GRID1: variants seen among roughly 807,000 people sequenced by gnomAD.
The protein encoded by GRID1 is glutamate receptor ionotropic, delta-1.
Under a neutral mutation model 98.0 loss-of-function variants are expected in GRID1, and 28 were observed. The observed-to-expected ratio is 0.29, with a 90% CI of 0.21 to 0.39. GRID1 has a LOEUF of 0.39. Among genes scored for constraint, GRID1 ranks in the 10% least tolerant of loss-of-function variants. The pLI is 1.00. For missense variants in GRID1, 1,111 were observed against 1,340.5 expected (o/e 0.83, Z 2.67); for synonymous variants, 553 against 538.5 (o/e 1.03, Z -0.37).
At chr10:85,755,942 ACTGGT>A (rs894828232) in intron 8 of GRID1, among the ~76,000 whole-genome samples, 1 of 152,088 alleles carries the variant, frequency 6.6e-6, no homozygotes, top group Non-Finnish European at 1.5e-5. Context: ...GCTGGACGCC[ACTGGT>A]AACAGCTCAG....
intron 2 of GRID1, among the ~76,000 whole-genome samples, chr10:86,303,322 T>C (rs776632500): frequency 6.6e-6 from 1 of 152,242 alleles, no homozygotes; most frequent in Non-Finnish European, 1.5e-5. Context: ...CTTCTCTGTA[T>C]GTACAAAAAT....
At chr10:85,708,524 T>C (rs1400095838) in intron 12 of GRID1, among the ~76,000 whole-genome samples, 1 of 152,130 alleles carries the variant, frequency 6.6e-6, no homozygotes, top group Non-Finnish European at 1.5e-5. Context: ...GGTAAACTCA[T>C]AAGAATAGTA....
intron 2 of GRID1, among the ~76,000 whole-genome samples, chr10:86,267,332 C>T (rs1010891604): frequency 6.6e-6 from 1 of 152,246 alleles, no homozygotes; most frequent in African/African-American, 2.4e-5. Flanking sequence ...CTCTGATCCA[C>T]ATACGGTCCC....
chr10:85,895,010 A>AT (rs1431281533), intron 5 of GRID1, among the ~76,000 whole-genome samples: 21 of 119,692 alleles, frequency 1.8e-4, no homozygotes, highest in South Asian at 7.8e-4. Flanking sequence ...TCAAAAAAAA[A>AT]AAAAAAATAT....
chr10:85,773,467 T>C (rs1229783513), intron 8 of GRID1, among the ~76,000 whole-genome samples: 1 of 152,164 alleles, frequency 6.6e-6, no homozygotes. Context: ...TTGGAAGTTC[T>C]GGCCAGGGCA....
At chr10:86,060,224 A>C (rs1010962059) in intron 4 of GRID1, among the ~76,000 whole-genome samples, 2 of 152,254 alleles carry the variant, frequency 1.3e-5, no homozygotes, top group African/African-American at 4.8e-5. Context: ...AATAGACATA[A>C]AGTCTTTCAT....
chr10:86,082,736 C>CGCCT (rs1843994698), intron 4 of GRID1, among the ~76,000 whole-genome samples: 1 of 152,204 alleles, frequency 6.6e-6, no homozygotes, highest in East Asian at 1.9e-4. Flanking sequence ...CCCCACCCTA[C>CGCCT]GCCTCCCTCT....
intron 8 of GRID1, among the ~76,000 whole-genome samples, chr10:85,739,113 T>C (rs903277688): frequency 1.3e-5 from 2 of 152,010 alleles, no homozygotes; most frequent in Non-Finnish European, 2.9e-5. Flanking sequence ...TGTATTTAAA[T>C]ATAGTTAAGG....
intron 8 of GRID1, among the ~76,000 whole-genome samples, chr10:85,746,872 G>A (rs60009084): frequency 6.6e-6 from 1 of 151,918 alleles, no homozygotes; most frequent in African/African-American, 2.4e-5. Flanking sequence ...TAAATGTTGG[G>A]GTCATTTGTT....
chr10:85,977,733 T>G (rs1212245644), intron 4 of GRID1, among the ~76,000 whole-genome samples: 2 of 152,124 alleles, frequency 1.3e-5, no homozygotes, highest in African/African-American at 2.4e-5. Context: ...AAGTCCCTAT[T>G]TCACATCCAG....
At chr10:85,687,405 T>C (rs1354024571) in intron 12 of GRID1, among the ~76,000 whole-genome samples, 1 of 152,190 alleles carries the variant, frequency 6.6e-6, no homozygotes, top group Admixed American at 6.5e-5. Context: ...GAGGGAAACA[T>C]GTTAGTAATT....
At chr10:86,037,108 G>A (rs928737580) in intron 4 of GRID1, among the ~76,000 whole-genome samples, 3 of 152,180 alleles carry the variant, frequency 2.0e-5, no homozygotes, top group Non-Finnish European at 2.9e-5. Flanking sequence ...TTTCTGGAAC[G>A]GAAAATGGGG....
At chr10:85,969,410 T>A (rs879758598) in intron 4 of GRID1, among the ~76,000 whole-genome samples, 23 of 152,104 alleles carry the variant, frequency 1.5e-4, no homozygotes, top group Non-Finnish European at 2.6e-4. Context: ...CATGGAACAT[T>A]TCCCCAGGAT....
chr10:86,134,760 G>A (rs929171469), intron 4 of GRID1, among the ~76,000 whole-genome samples: 1 of 152,162 alleles, frequency 6.6e-6, no homozygotes, highest in Non-Finnish European at 1.5e-5. Context: ...CATTCCTACA[G>A]ACCCAGACCC....
chr10:86,331,116 G>C (rs117034599), intron 2 of GRID1, among the ~76,000 whole-genome samples: 1 of 152,254 alleles, frequency 6.6e-6, no homozygotes, highest in South Asian at 2.1e-4. Flanking sequence ...GAAGCCCATC[G>C]CTGATCATCG....
Position 85,880,317 on chromosome 10 carries a change from C to A in GRID1, c.781-11137G>T, listed in dbSNP as rs1386100642. On this transcript the variant is annotated intron_variant, in intron 5 of 15. Coordinates refer to ENST00000327946, the MANE Select transcript of GRID1 (RefSeq NM_017551.3). Reference sequence around the variant, plus strand: ...TACCAAAGCTGGGCAGAGACACAACCAAAAAAGAGAATTTTAGACCAATAT... The same window carrying A: ...TACCAAAGCTGGGCAGAGACACAACAAAAAAAGAGAATTTTAGACCAATAT... Among the ~76,000 whole-genome samples, 10 of 151,966 alleles carry A rather than the reference C, an allele frequency of 6.6e-5. No homozygotes were observed. The South Asian group carries it at 1.9e-3, about 29-fold the overall frequency.
intron 2 of GRID1, among the ~76,000 whole-genome samples, chr10:86,336,905 C>A (rs1232399644): frequency 3.4e-5 from 5 of 146,366 alleles, no homozygotes; most frequent in African/African-American, 1.0e-4. Context: ...AGTGCAGTGG[C>A]GCGATCTCGG....
At chr10:85,645,907 CA>C (rs1246398208) in intron 13 of GRID1, 1 of 152,288 alleles carries the variant, frequency 6.6e-6, no homozygotes, top group Non-Finnish European at 1.5e-5. Flanking sequence ...CATGTGTTTC[CA>C]AAGCAAAGGG....
chr10:85,685,260 A>C (rs1318398477), intron 12 of GRID1, among the ~76,000 whole-genome samples: 1 of 152,226 alleles, frequency 6.6e-6, no homozygotes, highest in East Asian at 1.9e-4. Flanking sequence ...ACACAAAATC[A>C]ATTGTTTTTC....
Sources: allele counts gnomAD v4.1 joint callset (sites outside exome capture counted in the v4.1 genomes callset), GRCh38; gene constraint gnomAD v4.1.1; transcripts MANE v1.5; gene names NCBI Gene and HGNC (gene_info 2026-07-23, HGNC 2026-07-21).